Variants in WTAP observed in about 807,000 individuals in gnomAD.
WTAP encodes pre-mRNA-splicing regulator WTAP.
WTAP carries 8 observed loss-of-function variants against 50.0 expected under a neutral mutation model. The ratio of observed to expected loss-of-function variants is 0.16; its 90% confidence interval spans 0.09 to 0.29. The LOEUF is 0.29. WTAP is among the 10% of genes least tolerant of loss of function. The pLI, the probability that WTAP is intolerant of heterozygous loss-of-function variation, is 1.00. For missense variants in WTAP, 295 were observed against 470.7 expected (o/e 0.63, Z 3.45); for synonymous variants, 194 against 169.0 (o/e 1.15, Z -1.15).
rs573488579 is a variant in WTAP at position 159,740,204 on chromosome 6, A to T, written c.86+1159A>T. Among the ~76,000 whole-genome samples, 4 of 151,922 alleles carry T rather than the reference A, an allele frequency of 2.6e-5. No homozygotes were observed. The South Asian group carries it at 8.3e-4, about 32-fold the overall frequency. On this transcript the variant is annotated intron_variant, in intron 3 of 7. Coordinates refer to ENST00000621533, the MANE Select transcript of WTAP (RefSeq NM_001270531.2). ...ACTTTTTTTAATGCCTTCTTACATA[A>T]TTGCTCTGGTTAGTCTGTGCAGTCA... is the stretch of plus-strand genomic sequence containing the variant.
rs1356847548 is a variant in WTAP, at chr6:159,755,573, T to C, written c.1153T>C (p.Leu385=). The part of the protein sequence containing the change: ...TVGSRHVQNG[L]DSSVNVQGSV... Reference sequence around the variant, plus strand: ...GGGTTCCCGCCACGTTCAGAATGGCTTGGACTCAAGTGTAAATGTACAGGG... The same window carrying C: ...GGGTTCCCGCCACGTTCAGAATGGCCTGGACTCAAGTGTAAATGTACAGGG... Residue 385 remains leucine (L), a synonymous_variant, in exon 8 of 8, where the codon TTG becomes CTG. Coordinates refer to ENST00000621533, the MANE Select transcript of WTAP (RefSeq NM_001270531.2). 10 of 1,613,760 alleles carry C rather than the reference T, an allele frequency of 6.2e-6. No individual in the cohort carries two copies. The highest frequency in any genetic ancestry group is 5.0e-5 in the Admixed American group (3 of 59,970).
At chr6:159,733,506 CAGGTACT>C (rs1354831954) in intron 1 of WTAP, among the ~76,000 whole-genome samples, 12 of 152,058 alleles carry the variant, frequency 7.9e-5, no homozygotes, top group Non-Finnish European at 1.5e-4. Context: ...CCTGTAGTCC[CAGGTACT>C]CGGGAGGCTG....
intron 5 of WTAP, among the ~76,000 whole-genome samples, chr6:159,744,744 CAG>C (rs369423698): frequency 2.2e-4 from 33 of 152,212 alleles, no homozygotes; most frequent in Admixed American, 8.5e-4. Flanking sequence ...TTTCTTGAGA[CAG>C]GGCCTCTCTC....
intron 2 of WTAP, 68 bp from the exon 3 acceptor site, chr6:159,738,922 T>C (rs1779078910): frequency 2.6e-6 from 3 of 1,160,090 alleles, no homozygotes; most frequent in Non-Finnish European, 3.8e-6. Context: ...AGATGTTTCA[T>C]AGGTCTCATT....
chr6:159,755,765 CTTTTTTTTTTTTTTTTT>C lies in WTAP; in HGVS notation c.*163_*179del. Reference sequence around the variant, plus strand: ...TTTTTCTTTGTTTTTTTTTTCTTTTCTTTTTTTTTTTTTTTTTTTTTTTTTGCTTCAATACTTCTGCC... The same window carrying C: ...TTTTTCTTTGTTTTTTTTTTCTTTTCTTTTTTTTGCTTCAATACTTCTGCC... On this transcript the variant is annotated 3_prime_UTR_variant, in exon 8 of 8. Transcript: ENST00000621533. 9 of 173,380 alleles carry C rather than the reference CTTTTTTTTTTTTTTTTT, an allele frequency of 5.2e-5. No homozygotes were observed. The highest frequency in any genetic ancestry group is 4.4e-4 in the African/African-American group (5 of 11,434). 10.7% of individuals were successfully genotyped at this position (173,380 alleles called of 1,614,324 possible). A position where few individuals can be genotyped will look rare whatever the true frequency, so the allele number is the denominator to read the frequency against.
chr6:159,755,726 T>G lies in WTAP; in HGVS notation c.*115T>G. 1.6e-6 allele frequency: 2 copies of G among 1,257,954 alleles called. No individual in the cohort carries two copies. Among genetic ancestry groups the G allele is most frequent in the Non-Finnish European group, 2.0e-6 (2 of 1,002,138 alleles). 77.9% of individuals were successfully genotyped at this position (1,257,954 alleles called of 1,614,324 possible). A position where few individuals can be genotyped will look rare whatever the true frequency, so the allele number is the denominator to read the frequency against. On this transcript the variant is annotated 3_prime_UTR_variant, in exon 8 of 8. Transcript: ENST00000621533. ...CTTTTTGTGGGTGTACGTTTTGGTTTTTTTTTGTTGTTTTTTTTCTTTGTT... is the reference window on the plus strand; with the variant it reads ...CTTTTTGTGGGTGTACGTTTTGGTTGTTTTTTGTTGTTTTTTTTCTTTGTT...
intron 4 of WTAP, among the ~76,000 whole-genome samples, chr6:159,742,580 T>A (rs532443098): frequency 5.3e-5 from 8 of 152,340 alleles, no homozygotes; most frequent in South Asian, 2.1e-4. Flanking sequence ...CAGATTTTTT[T>A]AAATCTGCTG....
At position 159,727,703 on chromosome 6, in the gene WTAP, G is replaced by A. The variant is rs945795599; in HGVS notation, c.-9G>A. 2.0e-6 allele frequency: 2 copies of A among 984,566 alleles called. No homozygotes were observed. The highest frequency in any genetic ancestry group is 1.8e-5 in the African/African-American group (1 of 56,778). 61.0% of individuals were successfully genotyped at this position (984,566 alleles called of 1,614,324 possible). On this transcript the variant is annotated splice_region_variant and 5_prime_UTR_variant, in exon 1 of 8. Coordinates refer to ENST00000621533, the MANE Select transcript of WTAP (RefSeq NM_001270531.2). ...CGCCGGCGCGGCTTCTGCCTGGAGA[G>A]GTAGGCGCGGGCCGGCTGGCGGGAG... is the stretch of plus-strand genomic sequence containing the variant.
At chr6:159,752,353 T>C (rs1779851221) in intron 6 of WTAP, among the ~76,000 whole-genome samples, 1 of 152,112 alleles carries the variant, frequency 6.6e-6, no homozygotes, top group Non-Finnish European at 1.5e-5. Flanking sequence ...GATCATTTCT[T>C]TTTTTTTCTT....
chr6:159,735,673 C>T (rs1344961287), intron 1 of WTAP, among the ~76,000 whole-genome samples: 1 of 152,062 alleles, frequency 6.6e-6, no homozygotes, highest in Non-Finnish European at 1.5e-5. Context: ...TGCTTGAACC[C>T]TGGAGGCGGA....
rs141845020 is a variant in WTAP, at chr6:159,745,330, G to C, written c.273+1538G>C. 586 of 152,200 alleles carry C rather than the reference G, an allele frequency of 3.9e-3. 3 individuals carry two copies. The highest frequency in any genetic ancestry group is 0.014 in the African/African-American group (563 of 41,520). 9.4% of individuals were successfully genotyped at this position (152,200 alleles called of 1,614,324 possible). On this transcript the variant is annotated intron_variant, in intron 5 of 7. Coordinates refer to ENST00000621533, the MANE Select transcript of WTAP (RefSeq NM_001270531.2). Reference sequence around the variant, plus strand: ...CTGTCCTATATGCGCTGGCAGTTTTGATCATATTACGCCTGGTCAAGGCCT... The same window carrying C: ...CTGTCCTATATGCGCTGGCAGTTTTCATCATATTACGCCTGGTCAAGGCCT...
At chr6:159,745,017 C>T (rs1329283330) in intron 5 of WTAP, 1 of 152,144 alleles carries the variant, frequency 6.6e-6, no homozygotes, top group Non-Finnish European at 1.5e-5. Context: ...CACATTTTGT[C>T]CTTTTGTTTC....
intron 3 of WTAP, among the ~76,000 whole-genome samples, chr6:159,739,824 C>CTTTTTT (rs56389349): frequency 5.9e-5 from 5 of 85,186 alleles, no homozygotes; most frequent in Non-Finnish European, 8.7e-5. Flanking sequence ...CACTTTTTAC[C>CTTTTTT]TTTTTTTTTT....
chr6:159,750,771 T>C (rs1489584847), intron 6 of WTAP, among the ~76,000 whole-genome samples: 1 of 152,284 alleles, frequency 6.6e-6, no homozygotes, highest in Admixed American at 6.5e-5. Context: ...TTCTATAAAA[T>C]TGGCTGTAAG....
Position 159,748,184 on chromosome 6 carries a change from T to C in WTAP, c.274-7T>C. The C allele has an allele frequency of 6.2e-7, 1 of 1,613,292 alleles. No individual in the cohort carries two copies. The highest frequency in any genetic ancestry group is 8.5e-7 in the Non-Finnish European group (1 of 1,179,446). On this transcript the variant is annotated splice_region_variant and splice_polypyrimidine_tract_variant and intron_variant, in intron 5 of 7. Coordinates refer to ENST00000621533, the MANE Select transcript of WTAP (RefSeq NM_001270531.2). This position sits in a 1 kb window ranked among gnomAD's most constrained non-coding sequence, Gnocchi z 5.6. ...TTGGTCGTAATTGTTTCTTTTGCTT[T>C]GCACAGACTCAAATCCAGTACCTCA...
upstream of WTAP, chr6:159,727,069 T>A (rs947797025): frequency 3.3e-6 from 4 of 1,213,434 alleles, no homozygotes; most frequent in Non-Finnish European, 4.2e-6. Flanking sequence ...CTTCCCGTGA[T>A]GCCCTGGGGC....
chr6:159,727,730 G>A, intron 1 of WTAP, 27 bp downstream of exon 1: 5 of 985,506 alleles, frequency 5.1e-6, no homozygotes, highest in Non-Finnish European at 6.0e-6. Context: ...TGGCGGGAGC[G>A]GACGCGGGGG....
chr6:159,753,429 A>G (rs1046094257), intron 6 of WTAP, 31 bp from the exon 7 acceptor site: 3 of 1,614,070 alleles, frequency 1.9e-6, no homozygotes, highest in Middle Eastern at 3.3e-4. Context: ...TTTTGTCTTC[A>G]TTTTGTGATG....
At chr6:159,727,435 C>G (rs1193297820), upstream of WTAP, 1 of 1,031,328 alleles carries the variant, frequency 9.7e-7, no homozygotes, top group Non-Finnish European at 1.2e-6. Flanking sequence ...GCGTTCGGAC[C>G]GGCTGTGGGG....
Sources: gnomAD v4.1 joint callset for allele counts (sites outside exome capture counted in the v4.1 genomes callset) on GRCh38, gnomAD v4.1.1 for gene constraint, Gnocchi (gnomAD v3.1) non-coding constraint, MANE v1.5 for transcripts, NCBI Gene and HGNC (gene_info 2026-07-23, HGNC 2026-07-21) for gene names.